The following RIMS1 variants were observed in gnomAD, a reference collection of about 807,000 sequenced individuals.
RIMS1 encodes regulating synaptic membrane exocytosis 1.
RIMS1 carries 83 observed loss-of-function variants against 214.1 expected under a neutral mutation model. The observed-to-expected ratio is 0.39, with a 90% CI of 0.32 to 0.47. The LOEUF is 0.47. RIMS1 is among the 20% of genes least tolerant of loss of function. RIMS1 has a pLI of 0.99. For synonymous variants in RIMS1, 793 were observed against 786.8 expected, an observed-to-expected ratio of 1.01 and a Z score of -0.13; for missense variants, 2,050 against 2,161.8, an observed-to-expected ratio of 0.95 and a Z score of 1.03.
intron 26 of RIMS1, among the ~76,000 whole-genome samples, chr6:72,296,620 T>A (rs1364698663): frequency 6.6e-6 from 1 of 151,974 alleles, no homozygotes; most frequent in African/African-American, 2.4e-5. Flanking sequence ...AGAGTTGCTG[T>A]TGGCCTGATA....
intron 4 of RIMS1, among the ~76,000 whole-genome samples, chr6:72,142,709 T>A (rs776740402): frequency 7.9e-5 from 12 of 152,214 alleles, no homozygotes; most frequent in Middle Eastern, 3.4e-3. Context: ...ATCATTTCCA[T>A]GGTAACTAAA....
intron 29 of RIMS1, among the ~76,000 whole-genome samples, chr6:72,387,183 G>T (rs539811751): frequency 4.0e-5 from 6 of 150,624 alleles, no homozygotes; most frequent in Non-Finnish European, 8.9e-5. Flanking sequence ...ATAGATGAAT[G>T]AACAAAAAAC....
chr6:72,226,404 TC>T (rs2060192214), intron 6 of RIMS1, among the ~76,000 whole-genome samples: 1 of 152,034 alleles, frequency 6.6e-6, no homozygotes, highest in African/African-American at 2.4e-5. Context: ...TTTCTCAATA[TC>T]GATTACCCTT....
chr6:72,218,756 G>C (rs1468222815), intron 6 of RIMS1, among the ~76,000 whole-genome samples: 3 of 152,162 alleles, frequency 2.0e-5, no homozygotes, highest in Non-Finnish European at 4.4e-5. Flanking sequence ...GTACATGAGA[G>C]ACGAAAGAAA....
chr6:72,044,026 T>C (rs545308172), intron 2 of RIMS1, among the ~76,000 whole-genome samples: 3 of 151,670 alleles, frequency 2.0e-5, no homozygotes, highest in Admixed American at 2.0e-4. Flanking sequence ...ATTAAAAATT[T>C]ATTAAAGGAT....
intron 29 of RIMS1, among the ~76,000 whole-genome samples, chr6:72,381,670 G>GA (rs2098491281): frequency 6.6e-6 from 1 of 152,156 alleles, no homozygotes; most frequent in African/African-American, 2.4e-5. Context: ...TCAGCGAATG[G>GA]AAAAAACAAA....
chr6:72,149,465 C>T (rs1562431934), intron 4 of RIMS1, among the ~76,000 whole-genome samples: 2 of 152,012 alleles, frequency 1.3e-5, no homozygotes, highest in African/African-American at 4.8e-5. Flanking sequence ...TATTCTGATC[C>T]CATGTGACAG....
intron 28 of RIMS1, among the ~76,000 whole-genome samples, chr6:72,325,347 T>C (rs1424241816): frequency 6.6e-6 from 1 of 151,622 alleles, no homozygotes; most frequent in Non-Finnish European, 1.5e-5. Flanking sequence ...ATTATGCATA[T>C]AGGAAATATA....
intron 1 of RIMS1, among the ~76,000 whole-genome samples, chr6:71,898,205 A>G (rs1772453873): frequency 6.6e-6 from 1 of 152,176 alleles, no homozygotes; most frequent in South Asian, 2.1e-4. Flanking sequence ...CTTAATGGAA[A>G]CATTTTCTTT....
chr6:72,206,554 G>A (rs559031325), intron 6 of RIMS1, among the ~76,000 whole-genome samples: 190 of 114,862 alleles, frequency 1.7e-3, no homozygotes, highest in African/African-American at 4.7e-3. Context: ...TTTTCTTCTT[G>A]TCAGGGCATG....
At chr6:72,066,867 G>T (rs986828676) in intron 2 of RIMS1, among the ~76,000 whole-genome samples, 1 of 152,090 alleles carries the variant, frequency 6.6e-6, no homozygotes, top group African/African-American at 2.4e-5. Context: ...AATTGCTGGA[G>T]TCAAAAACTT....
At chr6:71,946,471 A>T (rs1342396856) in intron 1 of RIMS1, among the ~76,000 whole-genome samples, 1 of 152,230 alleles carries the variant, frequency 6.6e-6, no homozygotes, top group Non-Finnish European at 1.5e-5. Context: ...GCATGGAAAT[A>T]AATTCATGCA....
intron 4 of RIMS1, among the ~76,000 whole-genome samples, chr6:72,156,639 C>A (rs577278938): frequency 1.4e-5 from 2 of 139,912 alleles, no homozygotes; most frequent in Non-Finnish European, 3.2e-5. Flanking sequence ...CCCACACAGG[C>A]GGAGAAAAGA....
chr6:72,066,235 A>C (rs139264955), intron 2 of RIMS1, among the ~76,000 whole-genome samples: 2 of 152,330 alleles, frequency 1.3e-5, no homozygotes, highest in African/African-American at 4.8e-5. Context: ...CCGAGAAAAA[A>C]ATATTTAGAG....
At chr6:72,100,767 G>A (rs569797158) in intron 4 of RIMS1, among the ~76,000 whole-genome samples, 2 of 143,690 alleles carry the variant, frequency 1.4e-5, no homozygotes, top group African/African-American at 5.0e-5. Flanking sequence ...AGTATTTCAG[G>A]TTTAATATAT....
chr6:71,973,903 G>C (rs954047949), intron 2 of RIMS1, among the ~76,000 whole-genome samples: 6 of 152,118 alleles, frequency 3.9e-5, no homozygotes, highest in Non-Finnish European at 7.4e-5. Context: ...TCTTACCCAC[G>C]CAGGTTTTCC....
chr6:72,307,615 C>CGTGGTGGT (rs374445287), intron 27 of RIMS1, among the ~76,000 whole-genome samples: 2,709 of 152,050 alleles, frequency 0.018, 42 homozygotes, highest in African/African-American at 0.039. Flanking sequence ...ATTAGCCGGG[C>CGTGGTGGT]GTGCGCCTGT....
intron 2 of RIMS1, among the ~76,000 whole-genome samples, chr6:71,989,603 C>A (rs751992618): frequency 6.6e-5 from 10 of 152,162 alleles, no homozygotes; most frequent in Non-Finnish European, 1.0e-4. Context: ...CAGTTGCAAT[C>A]AATTTATTCC....
chr6:72,196,263 A>G (rs1293994463), intron 6 of RIMS1, among the ~76,000 whole-genome samples: 1 of 152,148 alleles, frequency 6.6e-6, no homozygotes, highest in East Asian at 1.9e-4. Context: ...TTTAATAAAT[A>G]TCTAAAAAGA....
Sources: allele counts gnomAD v4.1 joint callset (sites outside exome capture counted in the v4.1 genomes callset), GRCh38; gene constraint gnomAD v4.1.1; transcripts MANE v1.5; gene names NCBI Gene and HGNC (gene_info 2026-07-23, HGNC 2026-07-21).